The following TMEM40 variants were observed in gnomAD, a reference collection of about 807,000 sequenced individuals.
The protein encoded by TMEM40 is transmembrane protein 40.
In TMEM40, 34 loss-of-function variants were observed where a neutral mutation model predicts 40.8. The observed-to-expected ratio is 0.83, with a 90% CI of 0.63 to 1.11. The LOEUF (loss-of-function observed/expected upper bound fraction) is 1.11. Ranked by LOEUF, TMEM40 falls within the 50% of genes least tolerant of loss-of-function variation. The pLI, the probability that TMEM40 is intolerant of heterozygous loss-of-function variation, is 0.00. For missense variants in TMEM40, 296 were observed against 280.2 expected, an observed-to-expected ratio of 1.06 and a Z score of -0.40; for synonymous variants, 106 against 107.0, an observed-to-expected ratio of 0.99 and a Z score of 0.06.
intron 2 of TMEM40, among the ~76,000 whole-genome samples, chr3:12,749,032 CT>C (rs55763700): frequency 0.04 from 5,964 of 149,424 alleles, 165 homozygotes; most frequent in Middle Eastern, 0.086. Context: ...GGGTTTCTTT[CT>C]TTTTTTTTTG....
At chr3:12,734,860 C>T in intron 11 of TMEM40, 67 bp from the exon 12 acceptor site, 2 of 1,547,502 alleles carry the variant, frequency 1.3e-6, no homozygotes, top group Non-Finnish European at 1.8e-6. Flanking sequence ...CCCACCATCA[C>T]CTCAGATGCC....
intron 5 of TMEM40, chr3:12,739,237 C>T (rs1048686327): frequency 3.9e-5 from 6 of 152,148 alleles, no homozygotes; most frequent in Non-Finnish European, 8.8e-5. Flanking sequence ...TTATGTACTA[C>T]TATGTAAGAA....
At chr3:12,761,300 C>A (rs1282507729), upstream of TMEM40, among the ~76,000 whole-genome samples, 1 of 152,154 alleles carries the variant, frequency 6.6e-6, no homozygotes, top group Admixed American at 6.5e-5. Context: ...CATGACCAAA[C>A]CTGTGTTTAA....
intron 1 of TMEM40, among the ~76,000 whole-genome samples, chr3:12,768,686 G>A (rs531702374): frequency 1.1e-4 from 16 of 152,178 alleles, no homozygotes; most frequent in East Asian, 7.7e-4. Flanking sequence ...TAGACATAAA[G>A]GTTCTCCAAG....
chr3:12,737,120 T>A (rs1431985657), intron 8 of TMEM40, among the ~76,000 whole-genome samples: 1 of 151,758 alleles, frequency 6.6e-6, no homozygotes, highest in Non-Finnish European at 1.5e-5. Flanking sequence ...CTTCAAGCAA[T>A]CCTCTCATCT....
intron 4 of TMEM40, among the ~76,000 whole-genome samples, chr3:12,743,302 T>C (rs1342929034): frequency 6.6e-6 from 1 of 152,036 alleles, no homozygotes; most frequent in African/African-American, 2.4e-5. Context: ...ACCCTGTCTC[T>C]ACTAAAAATA....
upstream of TMEM40, among the ~76,000 whole-genome samples, chr3:12,760,058 T>C (rs2061558308): frequency 6.6e-6 from 1 of 152,166 alleles, no homozygotes; most frequent in Non-Finnish European, 1.5e-5. Flanking sequence ...CCCCCAGATC[T>C]TGACACTTTG....
At chr3:12,736,007 G>A (rs536895392) in intron 10 of TMEM40, among the ~76,000 whole-genome samples, 4 of 152,154 alleles carry the variant, frequency 2.6e-5, no homozygotes, top group Admixed American at 6.5e-5. Context: ...AATTACAGGC[G>A]TGTGCCCTGG....
upstream of TMEM40, among the ~76,000 whole-genome samples, chr3:12,760,277 G>T (rs2061560049): frequency 6.6e-6 from 1 of 152,054 alleles, no homozygotes; most frequent in Admixed American, 6.6e-5. Context: ...AGCAGCTCAT[G>T]TCCCTCCCCG....
intron 1 of TMEM40, among the ~76,000 whole-genome samples, chr3:12,768,747 C>G (rs866956529): frequency 1.1e-4 from 16 of 152,100 alleles, no homozygotes; most frequent in Non-Finnish European, 2.1e-4. Flanking sequence ...GATCCCGCAC[C>G]GGGGGCCGCA....
At chr3:12,742,280 C>T (rs536075289) in intron 5 of TMEM40, among the ~76,000 whole-genome samples, 174 bp downstream of exon 5, 35 of 152,202 alleles carry the variant, frequency 2.3e-4, no homozygotes, top group Non-Finnish European at 4.1e-4. Flanking sequence ...CCAAGACAAT[C>T]TCATGCCCGC....
chr3:12,755,375 G>A (rs951752102), intron 1 of TMEM40, among the ~76,000 whole-genome samples: 9 of 151,342 alleles, frequency 5.9e-5, no homozygotes, highest in African/African-American at 2.2e-4. Context: ...TGTTGACCTT[G>A]AGCAATTCTC....
chr3:12,733,870 C>T lies in TMEM40; in HGVS notation c.*904G>A, dbSNP rs1453521549. 2.0e-5 allele frequency: 3 copies of T among 151,272 alleles called. No individual in the cohort carries two copies. The highest frequency in any genetic ancestry group is 4.9e-5 in the African/African-American group (2 of 41,162). 9.4% of individuals were successfully genotyped at this position (151,272 alleles called of 1,614,324 possible). A position where few individuals can be genotyped will look rare whatever the true frequency, so the allele number is the denominator to read the frequency against. On this transcript the variant is annotated 3_prime_UTR_variant, in exon 12 of 12. Coordinates refer to ENST00000314124, the MANE Select transcript of TMEM40 (RefSeq NM_018306.4). ...TCCACATATTTCAAAACATGTTGTA[C>T]ACTACAAATACATGCAATTTTTATT...
Position 12,734,382 on chromosome 3 carries a change from CCTGAGAG to C in TMEM40, c.*385_*391del. 2 of 192,010 alleles carry C rather than the reference CCTGAGAG, an allele frequency of 1.0e-5. No homozygotes were observed. Among genetic ancestry groups the C allele is most frequent in the South Asian group, 1.6e-4 (1 of 6,358 alleles). 11.9% of individuals were successfully genotyped at this position (192,010 alleles called of 1,614,324 possible). A position where few individuals can be genotyped will look rare whatever the true frequency, so the allele number is the denominator to read the frequency against. On this transcript the variant is annotated 3_prime_UTR_variant, in exon 12 of 12. Coordinates refer to ENST00000314124, the MANE Select transcript of TMEM40 (RefSeq NM_018306.4). ...TCTCTCCCAGGATGGCTCGGTAGCA[CCTGAGAG>C]CGCATGCAGATAGCCTGGGATTTGA...
chr3:12,757,467 C>A (rs1333579235), intron 1 of TMEM40, among the ~76,000 whole-genome samples: 2 of 132,124 alleles, frequency 1.5e-5, no homozygotes, highest in African/African-American at 6.3e-5. Context: ...GAAACTCCGT[C>A]TCAAAAAAAA....
intron 3 of TMEM40, among the ~76,000 whole-genome samples, chr3:12,744,964 T>C (rs2061415320): frequency 1.3e-5 from 2 of 152,224 alleles, no homozygotes; most frequent in African/African-American, 4.8e-5. Context: ...CTTTTCTATA[T>C]TTTACAAATA....
intron 5 of TMEM40, among the ~76,000 whole-genome samples, chr3:12,739,506 G>A (rs1383954344): frequency 3.3e-5 from 5 of 151,880 alleles, no homozygotes; most frequent in African/African-American, 1.2e-4. Context: ...GGATGGTCTC[G>A]ATCTCCTGAC....
chr3:12,743,127 A>G (rs965896654), intron 4 of TMEM40, among the ~76,000 whole-genome samples: 1 of 152,166 alleles, frequency 6.6e-6, no homozygotes, highest in Non-Finnish European at 1.5e-5. Flanking sequence ...TTCTTATGAA[A>G]TTTGTTGTTT....
At chr3:12,741,951 G>T (rs545100411) in intron 5 of TMEM40, among the ~76,000 whole-genome samples, 6 of 152,098 alleles carry the variant, frequency 3.9e-5, no homozygotes, top group Non-Finnish European at 7.4e-5. Context: ...CAAAAAATTG[G>T]CCGGGCGCGG....
Sources: allele counts gnomAD v4.1 joint callset (sites outside exome capture counted in the v4.1 genomes callset), GRCh38; gene constraint gnomAD v4.1.1; transcripts MANE v1.5; gene names NCBI Gene and HGNC (gene_info 2026-07-23, HGNC 2026-07-21).